EPHA10: variants seen among roughly 807,000 people sequenced by gnomAD.
EPHA10 encodes the protein EPH receptor A10, also known as ephrin type-A receptor 10.
A neutral mutation model predicts 109.7 loss-of-function variants in EPHA10; 120 were observed. The observed-to-expected ratio is 1.09, with a 90% confidence interval of 0.94 to 1.27. The LOEUF is 1.27. EPHA10 is among the 50% of genes most tolerant of loss of function. The pLI is 0.00. For synonymous variants in EPHA10, 640 were observed against 618.9 expected, an observed-to-expected ratio of 1.03 and a Z score of -0.51; for missense variants, 1,396 against 1,411.1, an observed-to-expected ratio of 0.99 and a Z score of 0.17.
rs755981359 is a variant in EPHA10 at position 37,727,330 on chromosome 1, G to A, written c.1664-120C>T. ...CCATAGCACCTCTGCACTTGGCACT[G>A]CCTCCCAGCCACAGAGGCGCCAAGG... On this transcript the variant is annotated intron_variant, in intron 7 of 16. Transcript: ENST00000373048. 42 of 731,574 alleles carry A rather than the reference G, an allele frequency of 5.7e-5. No homozygotes were observed. In the African/African-American group the frequency reaches 7.2e-4, roughly 13 times the overall value. The allele number at this position is 731,574 out of a possible 1,614,324, so 45.3% of individuals were successfully genotyped here.
chr1:37,732,008 C>T (rs1193713020), intron 6 of EPHA10, among the ~76,000 whole-genome samples: 2 of 148,552 alleles, frequency 1.3e-5, no homozygotes, highest in Non-Finnish European at 1.5e-5. Context: ...GCCCACAAGG[C>T]TTTTCCTTTC....
chr1:37,744,214 T>G (rs1646196369), intron 5 of EPHA10, among the ~76,000 whole-genome samples: 1 of 152,090 alleles, frequency 6.6e-6, no homozygotes, highest in Non-Finnish European at 1.5e-5. Context: ...TTTGACTTCA[T>G]CAAAATTAAA....
intron 8 of EPHA10, among the ~76,000 whole-genome samples, 159 bp downstream of exon 8, chr1:37,726,943 G>A (rs1338265451): frequency 2.0e-5 from 3 of 152,248 alleles, no homozygotes; most frequent in Non-Finnish European, 4.4e-5. Flanking sequence ...TGAGCTGGGG[G>A]GAGGGGCCGG....
At chr1:37,721,112 C>T (rs190342757) in intron 11 of EPHA10, among the ~76,000 whole-genome samples, 1 of 152,000 alleles carries the variant, frequency 6.6e-6, no homozygotes, top group Admixed American at 6.5e-5. Context: ...TCTAGGGGAC[C>T]TATCACAGGT....
In EPHA10 at chr1:37,764,930, C is replaced by T. The variant is rs1273157374; in HGVS notation, c.106+31G>A. 39 of 1,571,500 alleles carry T rather than the reference C, an allele frequency of 2.5e-5. No individual in the cohort carries two copies. Among genetic ancestry groups the T allele is most frequent in the Non-Finnish European group, 2.9e-5 (33 of 1,157,448 alleles). On this transcript the variant is annotated intron_variant, in intron 1 of 16. Coordinates refer to ENST00000373048, the MANE Select transcript of EPHA10 (RefSeq NM_001099439.2). The surrounding 1 kb of genome is among the most constrained non-coding windows in gnomAD (Gnocchi z 5.8). ...CAGCCCCCTATCTTTTGGTATGCCA[C>T]GCTCCGAGCAGAGCTCACCAGTCTT... is the stretch of plus-strand genomic sequence containing the variant.
chr1:37,719,457 G>A lies in EPHA10; in HGVS notation c.2713C>T (p.Gln905Ter), dbSNP rs773634070. ...GCACACTTGGGGGGCTCTGGGTCCT[G>A]CACCATCTTGCTCAGGATGCTGTGG... ...QIHSILSKMV[Q>*]DPEPPKCALT... Residue 905 changes from glutamine to a stop codon, truncating the protein, a stop_gained, in exon 15 of 17, where the codon CAG becomes TAG. Transcript: ENST00000373048. LOFTEE classifies it high-confidence loss of function. The A allele has an allele frequency of 3.1e-6, 5 of 1,613,880 alleles. No individual in the cohort carries two copies. The East Asian group carries it at 8.9e-5, about 29-fold the overall frequency.
chr1:37,761,310 AC>A, intron 3 of EPHA10, 94 bp downstream of exon 3: 1 of 1,544,698 alleles, frequency 6.5e-7, no homozygotes, highest in Non-Finnish European at 8.7e-7. Context: ...CCGCCCCCCG[AC>A]CCCACACCCG....
intron 5 of EPHA10, among the ~76,000 whole-genome samples, chr1:37,749,091 T>G (rs1010126577): frequency 1.3e-5 from 2 of 151,382 alleles, no homozygotes; most frequent in African/African-American, 4.9e-5. Context: ...CCTGGCTAAT[T>G]TTTTTTATTT....
In EPHA10 at chr1:37,716,081, G is replaced by A. The variant is rs1645687306; in HGVS notation, c.*2291C>T. ...CCCCCTCCCTCCCAGGGTGAGCTCAGACCAGGGTAATGGGGGCTTGCAGGC... is the reference window on the plus strand; with the variant it reads ...CCCCCTCCCTCCCAGGGTGAGCTCAAACCAGGGTAATGGGGGCTTGCAGGC... On this transcript the variant is annotated 3_prime_UTR_variant, in exon 17 of 17. Transcript: ENST00000373048. The A allele has an allele frequency of 2.0e-6, 1 of 493,778 alleles. No individual in the cohort carries two copies. The highest frequency in any genetic ancestry group is 3.8e-6 in the Non-Finnish European group (1 of 261,968). The allele number at this position is 493,778 out of a possible 1,614,324, so 30.6% of individuals were successfully genotyped here. A position where few individuals can be genotyped will look rare whatever the true frequency, so the allele number is the denominator to read the frequency against.
intron 5 of EPHA10, among the ~76,000 whole-genome samples, chr1:37,752,451 C>A (rs1646342027): frequency 6.6e-6 from 1 of 152,128 alleles, no homozygotes; most frequent in Admixed American, 6.5e-5. Flanking sequence ...CGGATTCCTA[C>A]TGACATTTTT....
At chr1:37,750,111 C>T (rs1023908040) in intron 5 of EPHA10, among the ~76,000 whole-genome samples, 5 of 152,022 alleles carry the variant, frequency 3.3e-5, no homozygotes, top group East Asian at 1.9e-4. Context: ...ATTTTCTGGA[C>T]GTATATACTC....
intron 8 of EPHA10, among the ~76,000 whole-genome samples, chr1:37,724,750 G>A (rs1446685240): frequency 6.6e-6 from 1 of 152,182 alleles, no homozygotes; most frequent in East Asian, 1.9e-4. Context: ...GGGGGAAGCG[G>A]CCACCGCAGG....
chr1:37,722,923 A>G lies in EPHA10; in HGVS notation c.1960+118T>C, dbSNP rs1253427865. 6.7e-6 allele frequency: 10 copies of G among 1,502,504 alleles called. No homozygotes were observed. In the East Asian group the frequency reaches 1.1e-4, roughly 17 times the overall value. 93.1% of individuals were successfully genotyped at this position (1,502,504 alleles called of 1,614,324 possible). Reference sequence around the variant, plus strand: ...TGTGGAGGCAGGGCTTCCAGACACGAGCAGAGACCTGGGTGGAGGTGGGCT... The same window carrying G: ...TGTGGAGGCAGGGCTTCCAGACACGGGCAGAGACCTGGGTGGAGGTGGGCT... On this transcript the variant is annotated intron_variant, in intron 10 of 16. Coordinates refer to ENST00000373048, the MANE Select transcript of EPHA10 (RefSeq NM_001099439.2).
intron 5 of EPHA10, among the ~76,000 whole-genome samples, chr1:37,744,654 C>T (rs1204868606): frequency 7.1e-6 from 1 of 140,522 alleles, no homozygotes; most frequent in Non-Finnish European, 1.6e-5. Flanking sequence ...AGCAAGACTC[C>T]ATCTTGGGGA....
At chr1:37,727,078 C>T (rs1035766755) in intron 8 of EPHA10, 24 bp downstream of exon 8, 1 of 1,587,658 alleles carries the variant, frequency 6.3e-7, no homozygotes, top group African/African-American at 1.3e-5. Context: ...CCAGGAGTCA[C>T]CTAGGCTGGG....
rs1415016748 is a variant in EPHA10 at position 37,737,977 on chromosome 1, T to C, written c.1358-2587A>G. 1.5e-4 allele frequency: 6 copies of C among 39,092 alleles called. No homozygotes were observed. In the East Asian group the frequency reaches 4.0e-3, roughly 26 times the overall value. 2.4% of individuals were successfully genotyped at this position (39,092 alleles called of 1,614,324 possible). A position where few individuals can be genotyped will look rare whatever the true frequency, so the allele number is the denominator to read the frequency against. ...TTTTTTTTGCTATCAAGCGAGGCAGTGGGAGTGGAGATGAACAAAGAAATC... is the reference window on the plus strand; with the variant it reads ...TTTTTTTTGCTATCAAGCGAGGCAGCGGGAGTGGAGATGAACAAAGAAATC... On this transcript the variant is annotated intron_variant, in intron 5 of 16. Coordinates refer to ENST00000373048, the MANE Select transcript of EPHA10 (RefSeq NM_001099439.2).
chr1:37,733,445 C>G (rs1569683932), intron 6 of EPHA10, among the ~76,000 whole-genome samples: 1 of 152,320 alleles, frequency 6.6e-6, no homozygotes, highest in South Asian at 2.1e-4. Context: ...TCTTGAACTC[C>G]TGGCCTCAAG....
intron 8 of EPHA10, among the ~76,000 whole-genome samples, chr1:37,726,758 G>C (rs117051437): frequency 2.6e-5 from 4 of 152,182 alleles, no homozygotes; most frequent in Non-Finnish European, 4.4e-5. Context: ...CAAGAGGCCC[G>C]GGGACAGGGG....
chr1:37,735,034 A>T (rs561720648), intron 6 of EPHA10, among the ~76,000 whole-genome samples: 1 of 152,138 alleles, frequency 6.6e-6, no homozygotes, highest in Non-Finnish European at 1.5e-5. Context: ...TGACATGGGG[A>T]CAATGGAGAT....
Sources: gnomAD v4.1 joint callset for allele counts (sites outside exome capture counted in the v4.1 genomes callset) on GRCh38, gnomAD v4.1.1 for gene constraint, Gnocchi (gnomAD v3.1) non-coding constraint, MANE v1.5 for transcripts, NCBI Gene and HGNC (gene_info 2026-07-23, HGNC 2026-07-21) for gene names.